TAS2R1: variants seen among roughly 807,000 people sequenced by gnomAD.
TAS2R1 encodes taste 2 receptor member 1.
For synonymous variants in TAS2R1, 141 were observed against 134.2 expected (o/e 1.05, Z -0.35); for missense variants, 370 against 353.4 (o/e 1.05, Z -0.38).
At chr5:9,760,471 C>T in the TAS2R1 span, among the ~76,000 whole-genome samples, 1 of 152,104 alleles carries the variant, frequency 6.6e-6, no homozygotes, top group African/African-American at 2.4e-5. Flanking sequence ...TAAAATACAA[C>T]CAAGTGTAAG....
chr5:9,891,546 G>C, the TAS2R1 span, among the ~76,000 whole-genome samples: 19,542 of 152,044 alleles, frequency 0.13, 1,492 homozygotes, highest in African/African-American at 0.22. Flanking sequence ...AGGTGGCTGG[G>C]GGAGGGCTCA....
At chr5:9,848,696 C>T in the TAS2R1 span, among the ~76,000 whole-genome samples, 57 of 152,130 alleles carry the variant, frequency 3.7e-4, no homozygotes, top group South Asian at 0.01. Context: ...ACATGGTACA[C>T]TGTAAATTTA....
the TAS2R1 span, among the ~76,000 whole-genome samples, chr5:9,727,551 A>G: frequency 6.6e-6 from 1 of 152,236 alleles, no homozygotes; most frequent in Admixed American, 6.5e-5. Context: ...CCAGGAAAGA[A>G]AGAGATTCCC....
the TAS2R1 span, among the ~76,000 whole-genome samples, chr5:9,756,484 T>C: frequency 1.3e-5 from 2 of 152,206 alleles, no homozygotes; most frequent in African/African-American, 2.4e-5. Context: ...ATTCATAACA[T>C]TGTACCTCTA....
the TAS2R1 span, among the ~76,000 whole-genome samples, chr5:9,761,742 G>C: frequency 3.4e-4 from 51 of 152,186 alleles, no homozygotes; most frequent in Non-Finnish European, 6.6e-4. Flanking sequence ...GGTTGCAAGA[G>C]TAATTATGAC....
intron 1 of TAS2R1, among the ~76,000 whole-genome samples, chr5:9,684,939 T>C (rs919840684): frequency 2.0e-5 from 3 of 152,086 alleles, no homozygotes; most frequent in African/African-American, 7.2e-5. Context: ...GCCTAAAGTA[T>C]CTGTGAGGCA....
chr5:9,713,986 G>GGCA (rs1469063182), upstream of TAS2R1: 2 of 152,180 alleles, frequency 1.3e-5, no homozygotes, highest in African/African-American at 2.4e-5. Flanking sequence ...TTATATAAAT[G>GGCA]TAATGGCAGT....
At chr5:9,730,036 T>A in the TAS2R1 span, among the ~76,000 whole-genome samples, 1 of 152,130 alleles carries the variant, frequency 6.6e-6, no homozygotes, top group African/African-American at 2.4e-5. Flanking sequence ...TATAAATATA[T>A]GAATGCCAGC....
chr5:9,865,505 G>C, the TAS2R1 span, among the ~76,000 whole-genome samples: 1 of 152,076 alleles, frequency 6.6e-6, no homozygotes, highest in Non-Finnish European at 1.5e-5. Flanking sequence ...CTTCCTTTCA[G>C]CATTCTGTGT....
chr5:9,701,989 A>G (rs150321612), intron 1 of TAS2R1, among the ~76,000 whole-genome samples: 1,536 of 152,322 alleles, frequency 0.01, 31 homozygotes, highest in African/African-American at 0.035. Context: ...TAGATAACAA[A>G]ACAGAAGTTA....
the TAS2R1 span, among the ~76,000 whole-genome samples, chr5:9,741,876 T>C: frequency 1.1e-4 from 16 of 152,130 alleles, no homozygotes; most frequent in East Asian, 2.3e-3. Context: ...TCATGTAACA[T>C]AGGGCAGCAC....
At chr5:9,667,256 T>C (rs1212203976) in intron 1 of TAS2R1, among the ~76,000 whole-genome samples, 2 of 152,216 alleles carry the variant, frequency 1.3e-5, no homozygotes, top group African/African-American at 4.8e-5. Context: ...AACACCCTGA[T>C]GGCAGGGTGG....
upstream of TAS2R1, among the ~76,000 whole-genome samples, chr5:9,634,165 C>G (rs1038507460): frequency 6.6e-5 from 10 of 152,186 alleles, no homozygotes; most frequent in African/African-American, 2.2e-4. Context: ...ATGTGGCTTG[C>G]CAATTATCTC....
rs760726632 is a variant in TAS2R1, at chr5:9,629,987, G to C, written c.46C>G (p.Gln16Glu). ...TTTGTGAAAATCCCAAGAAGAAATT[G>C]TATCACTGCAAGAAGAAAATAGATA... ...LIIYFLLAVIQFLLGIFTNGI... is the reference protein window; with the variant it reads ...LIIYFLLAVIEFLLGIFTNGI... Residue 16 changes from glutamine (Q) to glutamate (E), a missense_variant, in exon 1 of 1, where the codon CAA becomes GAA. Gln to Glu is a conservative substitution (Grantham distance 29). Coordinates refer to ENST00000382492, the MANE Select transcript of TAS2R1 (RefSeq NM_019599.3). 3 of 1,596,536 alleles carry C rather than the reference G, an allele frequency of 1.9e-6. No homozygotes were observed. Among genetic ancestry groups the C allele is most frequent in the Non-Finnish European group, 8.5e-7 (1 of 1,174,238 alleles).
At chr5:9,764,909 C>T in the TAS2R1 span, among the ~76,000 whole-genome samples, 37 of 152,302 alleles carry the variant, frequency 2.4e-4, no homozygotes, top group African/African-American at 8.4e-4. Flanking sequence ...TTAAATAAAT[C>T]ATCACACAGC....
At chr5:9,846,402 T>A in the TAS2R1 span, among the ~76,000 whole-genome samples, 3 of 152,234 alleles carry the variant, frequency 2.0e-5, no homozygotes, top group Non-Finnish European at 4.4e-5. Flanking sequence ...CTGGACAATG[T>A]GTCCAGTGAG....
At chr5:9,816,298 T>A in the TAS2R1 span, among the ~76,000 whole-genome samples, 3 of 152,160 alleles carry the variant, frequency 2.0e-5, no homozygotes, top group Admixed American at 2.0e-4. Flanking sequence ...ATAATGAATA[T>A]CTGCCATAAA....
chr5:9,800,480 A>G, the TAS2R1 span, among the ~76,000 whole-genome samples: 2 of 152,172 alleles, frequency 1.3e-5, no homozygotes, highest in Admixed American at 6.5e-5. Flanking sequence ...CACTTAACAC[A>G]GTGAAGAGCT....
intron 1 of TAS2R1, among the ~76,000 whole-genome samples, chr5:9,661,116 C>T (rs963860292): frequency 3.3e-5 from 5 of 152,268 alleles, no homozygotes; most frequent in Non-Finnish European, 5.9e-5. Context: ...TAACCTACTA[C>T]ATTTTTGGTC....
Sources: allele counts gnomAD v4.1 joint callset (sites outside exome capture counted in the v4.1 genomes callset), GRCh38; gene constraint gnomAD v4.1.1; transcripts MANE v1.5; gene names NCBI Gene and HGNC (gene_info 2026-07-23, HGNC 2026-07-21).